PER2: variants seen among roughly 807,000 people sequenced by gnomAD.
PER2 encodes period circadian regulator 2, also known as period circadian protein homolog 2.
In PER2, 66 loss-of-function variants were observed where a neutral mutation model predicts 121.0. The ratio of observed to expected loss-of-function variants is 0.55; its 90% CI spans 0.45 to 0.67. The LOEUF is 0.67. PER2 is among the 30% of genes least tolerant of loss of function. PER2 has a pLI of 0.00. For synonymous variants in PER2, 684 were observed against 659.9 expected, an observed-to-expected ratio of 1.04 and a Z score of -0.56; for missense variants, 1,521 against 1,635.0, an observed-to-expected ratio of 0.93 and a Z score of 1.20.
At chr2:238,289,717 G>T (rs973571597), upstream of PER2, 1 of 152,274 alleles carries the variant, frequency 6.6e-6, no homozygotes, top group African/African-American at 2.4e-5. Context: ...CCTTACAACG[G>T]TGCAAGCCGT....
chr2:238,254,698 G>C (rs780576056), intron 18 of PER2: 1 of 152,382 alleles, frequency 6.6e-6, no homozygotes, highest in Non-Finnish European at 1.5e-5. Context: ...GCAAGAGCGG[G>C]AACTCTGCAC....
Position 238,258,402 on chromosome 2 carries a change from T to C in PER2, c.1776-2A>G, listed in dbSNP as rs1158269339. 1 of 1,614,106 alleles carries C rather than the reference T, an allele frequency of 6.2e-7. No homozygotes were observed. The highest frequency in any genetic ancestry group is 8.5e-7 in the Non-Finnish European group (1 of 1,180,004). On this transcript the variant is annotated splice_acceptor_variant, in intron 15 of 22. Coordinates refer to ENST00000254657, the MANE Select transcript of PER2 (RefSeq NM_022817.3). LOFTEE classifies it high-confidence loss of function. ...GCCTCATTGCAGCTCTCCAAGTACC[T>C]GTGTGAAAGGCATGAACCACTGGTG...
intron 12 of PER2, chr2:238,261,432 T>TG (rs1695928112): frequency 2.2e-6 from 1 of 463,952 alleles, no homozygotes; most frequent in Admixed American, 3.4e-5. Context: ...CACTGAGAGG[T>TG]CACTCTGGAA....
intron 22 of PER2, chr2:238,247,255 CCT>C (rs1695473995): frequency 6.6e-6 from 1 of 152,334 alleles, no homozygotes; most frequent in African/African-American, 2.4e-5. Flanking sequence ...TTCCTCTTTT[CCT>C]CTCTGGGGAA....
At chr2:238,273,631 G>A (rs375732133) in intron 4 of PER2, among the ~76,000 whole-genome samples, 2 of 152,140 alleles carry the variant, frequency 1.3e-5, no homozygotes, top group African/African-American at 2.4e-5. Flanking sequence ...AAGTAGCTGG[G>A]ATTACAGGAA....
At chr2:238,269,907 A>T (rs1696233775) in intron 6 of PER2, among the ~76,000 whole-genome samples, 1 of 152,264 alleles carries the variant, frequency 6.6e-6, no homozygotes, top group African/African-American at 2.4e-5. Flanking sequence ...CCTGAGTAAG[A>T]GCAGGTACTT....
In PER2 at chr2:238,253,238, G is replaced by C. The variant is rs770343375; in HGVS notation, c.2785C>G (p.Pro929Ala). 6.2e-7 allele frequency: 1 copy of C among 1,602,240 alleles called. No homozygotes were observed. Among genetic ancestry groups the C allele is most frequent in the Non-Finnish European group, 8.5e-7 (1 of 1,172,412 alleles). ...AGTGTGGGGTGGCTCGGAAACTGAG[G>C]CTGGCTGGGGAAGAAGGCCTGGGGC... ...NLPQAFFPSQ[P>A]QFPSHPTLTS... Residue 929 changes from proline to alanine, a missense_variant, in exon 19 of 23, where the codon CCT (proline) becomes GCT (alanine). By Grantham distance (27) the Pro-to-Ala change is conservative (BLOSUM62 -1). Transcript: ENST00000254657. This position sits in a 1 kb window ranked among gnomAD's most constrained non-coding sequence, Gnocchi z 5.6.
rs754725597 is a variant in PER2 at position 238,271,323 on chromosome 2, C to T, written c.761G>A (p.Cys254Tyr). The change falls in exon 6 of 23, where the codon TGC becomes TAC. Residue 254 changes from cysteine (C) to tyrosine (Y), a missense_variant. Transcript: ENST00000254657. ...SPYKLPLWSM[C>Y]SGADSFTQEC... ...CTCGATAACCTCACCTGCTCCACTGCACATGCTCCACAAGGGAAGCTTGTA... is the reference window on the plus strand; with the variant it reads ...CTCGATAACCTCACCTGCTCCACTGTACATGCTCCACAAGGGAAGCTTGTA... The T allele has an allele frequency of 2.5e-6, 4 of 1,613,536 alleles. No individual in the cohort carries two copies. In the East Asian group the frequency reaches 6.7e-5, roughly 27 times the overall value.
In PER2 at chr2:238,268,113, C is replaced by T. The variant is rs751899442; in HGVS notation, c.910G>A (p.Ala304Thr). The change falls in exon 8 of 23, where the codon GCT (alanine) becomes ACT (threonine). Residue 304 changes from alanine (A) to threonine (T), a missense_variant. Transcript: ENST00000254657. The surrounding 1 kb of genome is among the most constrained non-coding windows in gnomAD (Gnocchi z 4.0). The part of the protein sequence containing the change: ...YLVKVRDQQG[A>T]ESQLCCLLLA... ...AGAAGGCAGCAAAGCTGACTCTCAGCACCTTGTTGGTCCCGCACCTTGACC... is the reference window on the plus strand; with the variant it reads ...AGAAGGCAGCAAAGCTGACTCTCAGTACCTTGTTGGTCCCGCACCTTGACC... The T allele has an allele frequency of 2.5e-6, 4 of 1,614,196 alleles. No individual in the cohort carries two copies. The Admixed American group carries it at 6.7e-5, about 27-fold the overall frequency.
chr2:238,297,524 G>A, the PER2 span, among the ~76,000 whole-genome samples: 7 of 152,298 alleles, frequency 4.6e-5, no homozygotes, highest in South Asian at 2.1e-4. Context: ...TGTGAGGTTC[G>A]CCTGGATCTG....
In PER2 at chr2:238,252,990, C is replaced by G; in HGVS notation, c.3033G>C (p.Gly1011=). The G allele has an allele frequency of 1.2e-6, 2 of 1,614,010 alleles. No individual in the cohort carries two copies. Among genetic ancestry groups the G allele is most frequent in the Non-Finnish European group, 1.7e-6 (2 of 1,180,032 alleles). Reference sequence around the variant, plus strand: ...CCCCTACAGCTGCTGTCTCTGTGGCCCCTGTGGTCCCCATGGCTCCAGTGC... The same window carrying G: ...CCCCTACAGCTGCTGTCTCTGTGGCGCCTGTGGTCCCCATGGCTCCAGTGC... ...EGGTGAMGTT[G]ATETAAVGAD... Residue 1011 remains glycine (G), a synonymous_variant, in exon 19 of 23, where the codon GGG becomes GGC. Transcript: ENST00000254657. This position sits in a 1 kb window ranked among gnomAD's most constrained non-coding sequence, Gnocchi z 4.2.
intron 1 of PER2, among the ~76,000 whole-genome samples, chr2:238,280,147 A>G (rs1696586635): frequency 1.3e-5 from 2 of 152,208 alleles, no homozygotes; most frequent in African/African-American, 4.8e-5. Flanking sequence ...ACCAGCCAGC[A>G]ATACTGAGGG....
At chr2:238,283,575 G>A (rs563327658) in intron 1 of PER2, among the ~76,000 whole-genome samples, 67 of 152,366 alleles carry the variant, frequency 4.4e-4, no homozygotes, top group East Asian at 2.7e-3. Context: ...GGAGCAGAGC[G>A]GGCAGCGGTA....
upstream of PER2, chr2:238,290,133 T>C (rs749615912): frequency 2.6e-5 from 4 of 152,276 alleles, no homozygotes; most frequent in Non-Finnish European, 4.4e-5. Flanking sequence ...ACAAGGTGTG[T>C]GTGCAACTTC....
chr2:238,258,431 C>T (rs1168157440), intron 15 of PER2, 31 bp from the exon 16 acceptor site: 1 of 1,613,994 alleles, frequency 6.2e-7, no homozygotes, highest in African/African-American at 1.3e-5. Flanking sequence ...ACTGGTGAGG[C>T]CACACAACAT....
chr2:238,251,104 T>C (rs1695585119), intron 20 of PER2, among the ~76,000 whole-genome samples: 1 of 152,154 alleles, frequency 6.6e-6, no homozygotes, highest in Admixed American at 6.5e-5. Context: ...GAGCGCTCCC[T>C]AGCCAGCCTC....
intron 2 of PER2, among the ~76,000 whole-genome samples, chr2:238,277,396 C>T (rs1219595955): frequency 6.6e-6 from 1 of 152,110 alleles, no homozygotes; most frequent in Non-Finnish European, 1.5e-5. Context: ...CACATGATAA[C>T]AGGAGCCAGT....
chr2:238,271,552 T>C (rs749784887), intron 5 of PER2, 39 bp from the exon 6 acceptor site: 2 of 1,514,680 alleles, frequency 1.3e-6, no homozygotes, highest in Non-Finnish European at 1.8e-6. Context: ...CAAGGTCAGA[T>C]GGTGTCGGAC....
intron 6 of PER2, among the ~76,000 whole-genome samples, chr2:238,270,486 G>A (rs1349471008): frequency 6.6e-6 from 1 of 151,662 alleles, no homozygotes; most frequent in East Asian, 1.9e-4. Context: ...AAGAAATTAG[G>A]AAAGTAGAAG....
Sources: gnomAD v4.1 joint callset for allele counts (sites outside exome capture counted in the v4.1 genomes callset) on GRCh38, gnomAD v4.1.1 for gene constraint, Gnocchi (gnomAD v3.1) non-coding constraint, MANE v1.5 for transcripts, NCBI Gene and HGNC (gene_info 2026-07-23, HGNC 2026-07-21) for gene names.